Variants in CABIN1 observed in about 807,000 individuals in gnomAD.
CABIN1 encodes calcineurin-binding protein cabin-1.
In CABIN1, 133 loss-of-function variants were observed where a neutral mutation model predicts 227.7. The observed-to-expected ratio is 0.58, with a 90% confidence interval of 0.51 to 0.67. CABIN1 has a LOEUF of 0.67. CABIN1 is among the 30% of genes least tolerant of loss of function. CABIN1 has a pLI of 0.00. For missense variants in CABIN1, 2,408 were observed against 2,852.5 expected (o/e 0.84, Z 3.55); for synonymous variants, 1,086 against 1,155.1 (o/e 0.94, Z 1.21).
intron 1 of CABIN1, among the ~76,000 whole-genome samples, chr22:24,025,463 A>G (rs1206165966): frequency 2.0e-5 from 3 of 152,188 alleles, no homozygotes; most frequent in South Asian, 2.1e-4. Flanking sequence ...AGACCAACCA[A>G]AGTGCACAAA....
Position 24,083,486 on chromosome 22 carries a change from G to A in CABIN1, c.2910+97G>A. 7 of 1,338,928 alleles carry A rather than the reference G, an allele frequency of 5.2e-6. No homozygotes were observed. In the South Asian group the frequency reaches 8.5e-5, roughly 16 times the overall value. 82.9% of individuals were successfully genotyped at this position (1,338,928 alleles called of 1,614,324 possible). A position where few individuals can be genotyped will look rare whatever the true frequency, so the allele number is the denominator to read the frequency against. On this transcript the variant is annotated intron_variant, in intron 20 of 36. Transcript: ENST00000263119. ...TGTCAACAGTCATCTTGGCAGTCCT[G>A]CTTGGAGTTGCATCAGAAGGAGGAG... is the stretch of plus-strand genomic sequence containing the variant.
At chr22:24,173,887 C>A (rs2046968124) in intron 34 of CABIN1, among the ~76,000 whole-genome samples, 1 of 152,032 alleles carries the variant, frequency 6.6e-6, no homozygotes, top group Non-Finnish European at 1.5e-5. Flanking sequence ...CATCCCTTTT[C>A]TTCTTTCTGC....
In CABIN1 at chr22:24,167,015, C is replaced by A; in HGVS notation, c.5384C>A (p.Thr1795Asn). The change falls in exon 32 of 37, where the codon ACT becomes AAT. Residue 1795 changes from threonine (T) to asparagine (N), a missense_variant. By Grantham distance (65) the Thr-to-Asn change is moderately conservative. This residue lies in a region of CABIN1 where 714 missense variants were observed against 773.8 expected (regional missense o/e 0.92). Coordinates refer to ENST00000263119, the MANE Select transcript of CABIN1 (RefSeq NM_012295.4). ...ARDRGPESRP[T>N]ELSLEELSIS... ...GACCGGGGCCCCGAGAGCCGGCCCA[C>A]TGAGCTGTCCCTGGAGGAGCTGAGC... The A allele has an allele frequency of 6.4e-7, 1 of 1,557,044 alleles. No homozygotes were observed. The highest frequency in any genetic ancestry group is 8.7e-7 in the Non-Finnish European group (1 of 1,151,134).
chr22:24,132,062 CA>C (rs34365542), intron 28 of CABIN1, among the ~76,000 whole-genome samples: 2,842 of 114,734 alleles, frequency 0.025, 33 homozygotes, highest in East Asian at 0.078. Flanking sequence ...ACTCTGTCTC[CA>C]AAAAAAAAAA....
chr22:24,159,134 A>C (rs2046004920), intron 29 of CABIN1, among the ~76,000 whole-genome samples: 1 of 152,222 alleles, frequency 6.6e-6, no homozygotes, highest in Non-Finnish European at 1.5e-5. Context: ...TGAGTCTCCC[A>C]GGAGGCCAGG....
intron 25 of CABIN1, among the ~76,000 whole-genome samples, chr22:24,097,615 G>A (rs1251103369): frequency 1.3e-5 from 2 of 152,232 alleles, no homozygotes; most frequent in Non-Finnish European, 2.9e-5. Flanking sequence ...ACATGTGTGA[G>A]CATGCAGTAA....
At chr22:24,117,981 T>G (rs1171779284) in intron 27 of CABIN1, among the ~76,000 whole-genome samples, 1 of 152,230 alleles carries the variant, frequency 6.6e-6, no homozygotes, top group Admixed American at 6.5e-5. Flanking sequence ...CGCAGGCAAC[T>G]TCTTGAGCTC....
At chr22:24,062,511 C>T (rs1022577347) in intron 13 of CABIN1, among the ~76,000 whole-genome samples, 3 of 151,974 alleles carry the variant, frequency 2.0e-5, no homozygotes, top group Non-Finnish European at 4.4e-5. Flanking sequence ...GCGTGTGCCA[C>T]CATGCCTGGC....
Position 24,067,106 on chromosome 22 carries a change from TG to T in CABIN1, c.2160del (p.Phe721LeufsTer10). On this transcript the variant is annotated frameshift_variant, in exon 16 of 37. Transcript: ENST00000263119. LOFTEE classifies it high-confidence loss of function. ...HLLRPTLCTS[G>X]FDRAKHLEFM... ...TGCTCCGCCCCACTTTGTGCACCAG[TG>T]GGTTTGACCGGGCCAAACACCTGGA... is the stretch of plus-strand genomic sequence containing the variant. 6.2e-7 allele frequency: 1 copy of T among 1,614,242 alleles called. No homozygotes were observed. Among genetic ancestry groups the T allele is most frequent in the Non-Finnish European group, 8.5e-7 (1 of 1,180,040 alleles).
Position 24,055,084 on chromosome 22 carries a change from G to T in CABIN1, c.1018G>T (p.Val340Phe). The T allele has an allele frequency of 6.2e-7, 1 of 1,614,244 alleles. No individual in the cohort carries two copies. Among genetic ancestry groups the T allele is most frequent in the Non-Finnish European group, 8.5e-7 (1 of 1,180,042 alleles). Reference sequence around the variant, plus strand: ...AGCTGTGGCTGTCGCCGAGCCTGTGGTCTCCTACACCTCTGTGGCTACAAC... The same window carrying T: ...AGCTGTGGCTGTCGCCGAGCCTGTGTTCTCCTACACCTCTGTGGCTACAAC... Reference protein sequence around the residue: ...NPAVAVAEPVVSYTSVATTSF... With the variant: ...NPAVAVAEPVFSYTSVATTSF... Residue 340 changes from valine (V) to phenylalanine (F), a missense_variant, in exon 9 of 37, where the codon GTC becomes TTC. Around this residue, in one of 3 missense-constraint regions of CABIN1, gnomAD observed 1,045 missense variants for 1,168.4 expected, o/e 0.89. Transcript: ENST00000263119.
intron 29 of CABIN1, among the ~76,000 whole-genome samples, chr22:24,138,258 A>G (rs577051629): frequency 5.9e-5 from 9 of 152,300 alleles, no homozygotes; most frequent in Admixed American, 4.6e-4. Context: ...CTGTGACCAA[A>G]TGGGGGGCAG....
At chr22:24,058,337 T>C (rs2038949577) in intron 10 of CABIN1, among the ~76,000 whole-genome samples, 1 of 152,242 alleles carries the variant, frequency 6.6e-6, no homozygotes, top group Non-Finnish European at 1.5e-5. Context: ...TTCTGCTTCT[T>C]TGAATGGTCA....
chr22:24,012,315 G>A (rs1429531708), intron 1 of CABIN1, among the ~76,000 whole-genome samples: 1 of 152,086 alleles, frequency 6.6e-6, no homozygotes, highest in Non-Finnish European at 1.5e-5. Flanking sequence ...ATTTTCACGT[G>A]TCATGATTTT....
chr22:24,106,209 C>T (rs2042507069), intron 26 of CABIN1, among the ~76,000 whole-genome samples: 1 of 152,250 alleles, frequency 6.6e-6, no homozygotes, highest in South Asian at 2.1e-4. Flanking sequence ...GGTCCTACCC[C>T]AGAGAAGAAG....
chr22:24,135,774 A>G (rs2044358755), intron 29 of CABIN1, among the ~76,000 whole-genome samples: 1 of 152,204 alleles, frequency 6.6e-6, no homozygotes, highest in African/African-American at 2.4e-5. Context: ...GGTGGCCTGA[A>G]CAGGAGCTGA....
At chr22:24,056,485 C>G in intron 10 of CABIN1, 125 bp downstream of exon 10, 2 of 977,608 alleles carry the variant, frequency 2.0e-6, no homozygotes, top group South Asian at 1.4e-5. Context: ...CCCATAACAT[C>G]TGTGCAGATG....
intron 26 of CABIN1, among the ~76,000 whole-genome samples, chr22:24,100,211 C>A (rs1395013045): frequency 1.3e-5 from 2 of 152,250 alleles, no homozygotes; most frequent in African/African-American, 4.8e-5. Context: ...CATGGCCCAT[C>A]TTTGCCCAGT....
intron 29 of CABIN1, among the ~76,000 whole-genome samples, chr22:24,136,175 A>T (rs8139439): frequency 6.6e-5 from 10 of 152,114 alleles, no homozygotes; most frequent in African/African-American, 1.9e-4. Context: ...GTGCACATAG[A>T]TGCGCATAAA....
intron 19 of CABIN1, among the ~76,000 whole-genome samples, chr22:24,080,383 C>T (rs1014943438): frequency 4.6e-5 from 7 of 152,124 alleles, no homozygotes; most frequent in African/African-American, 1.7e-4. Flanking sequence ...TACCATTGTA[C>T]GATCACTCTG....
Sources: gnomAD v4.1 joint callset for allele counts (sites outside exome capture counted in the v4.1 genomes callset) on GRCh38, gnomAD v4.1.1 for gene constraint, gnomAD v4.1.1 regional missense constraint, MANE v1.5 for transcripts, NCBI Gene and HGNC (gene_info 2026-07-23, HGNC 2026-07-21) for gene names.